The following COL23A1 variants were observed in gnomAD, a reference collection of about 807,000 sequenced individuals.
COL23A1 encodes collagen type XXIII alpha 1 chain, also known as collagen alpha-1(XXIII) chain.
A neutral mutation model predicts 99.3 loss-of-function variants in COL23A1; 97 were observed. The ratio of observed to expected loss-of-function variants is 0.98; its 90% CI spans 0.83 to 1.16. The LOEUF is 1.16. Ranked by LOEUF, COL23A1 falls within the 50% of genes most tolerant of loss-of-function variation. The probability of loss-of-function intolerance (pLI) is 0.00; values close to 1 mark genes in which losing one functional copy is unlikely to be tolerated. For synonymous variants in COL23A1, 320 were observed against 308.2 expected, an observed-to-expected ratio of 1.04 and a Z score of -0.40; for missense variants, 762 against 757.4, an observed-to-expected ratio of 1.01 and a Z score of -0.07.
At chr5:178,272,790 G>A (rs894088142) in intron 5 of COL23A1, among the ~76,000 whole-genome samples, 10 of 151,558 alleles carry the variant, frequency 6.6e-5, no homozygotes, top group African/African-American at 2.4e-4. Context: ...TCAAGGTCGC[G>A]TCCCACTAGG....
At chr5:178,511,127 C>T (rs1396027884) in intron 2 of COL23A1, among the ~76,000 whole-genome samples, 1 of 151,886 alleles carries the variant, frequency 6.6e-6, no homozygotes, top group Non-Finnish European at 1.5e-5. Context: ...TTGTTTTTTT[C>T]CCCCAACTTT....
rs1348933268 is a variant in COL23A1, at chr5:178,307,035, G to T, written c.362-116C>A. ...CGCAACAGCTTTCTGGGAGTGGCCT[G>T]CCCGAGGGGGTCTGCTGGCTGTGGA... On this transcript the variant is annotated intron_variant, in intron 2 of 28. Transcript: ENST00000390654. The surrounding 1 kb of genome is among the most constrained non-coding windows in gnomAD (Gnocchi z 4.2). 1.5e-6 allele frequency: 1 copy of T among 650,836 alleles called. No homozygotes were observed. The highest frequency in any genetic ancestry group is 4.1e-5 in the Admixed American group (1 of 24,244). 40.3% of individuals were successfully genotyped at this position (650,836 alleles called of 1,614,324 possible).
At chr5:178,518,203 G>A (rs112984775) in intron 2 of COL23A1, among the ~76,000 whole-genome samples, 4,416 of 137,230 alleles carry the variant, frequency 0.032, 87 homozygotes, top group Middle Eastern at 0.089. Flanking sequence ...CAGAGAGCAC[G>A]GGGTTGGGGG....
rs147150271 is a variant in COL23A1, at chr5:178,527,518, G to A, written c.361+33164C>T. On this transcript the variant is annotated intron_variant, in intron 2 of 28. Coordinates refer to ENST00000390654, the MANE Select transcript of COL23A1 (RefSeq NM_173465.4). ...TGCTCAGGTTCTATTTCCAGGAAGC[G>A]GCTGGCCCGGGTGGATGGTGTGTCC... 2.3e-3 allele frequency among the ~76,000 whole-genome samples: 348 copies of A among 152,296 alleles called. 2 individuals carry two copies. The East Asian group carries it at 0.029, about 13-fold the overall frequency.
At chr5:178,514,338 C>T (rs377141767) in intron 2 of COL23A1, among the ~76,000 whole-genome samples, 2 of 152,210 alleles carry the variant, frequency 1.3e-5, no homozygotes, top group African/African-American at 4.8e-5. Context: ...GGGCTGCTCC[C>T]ACGTCTTGGC....
chr5:178,426,760 A>G (rs939339489), intron 2 of COL23A1, among the ~76,000 whole-genome samples: 1 of 152,246 alleles, frequency 6.6e-6, no homozygotes, highest in African/African-American at 2.4e-5. Flanking sequence ...AAGAACTCTT[A>G]AAACTCAACA....
intron 2 of COL23A1, among the ~76,000 whole-genome samples, chr5:178,337,339 C>T (rs1011334464): frequency 6.6e-6 from 1 of 152,236 alleles, no homozygotes; most frequent in African/African-American, 2.4e-5. Context: ...GGAGTTGGAG[C>T]GTTTGTAAAC....
At chr5:178,401,949 G>A (rs1315795792) in intron 2 of COL23A1, among the ~76,000 whole-genome samples, 2 of 152,100 alleles carry the variant, frequency 1.3e-5, no homozygotes, top group Admixed American at 6.5e-5. Context: ...CCAAGTAGCT[G>A]GGATTACAGG....
At chr5:178,465,869 G>A (rs10060223) in intron 2 of COL23A1, among the ~76,000 whole-genome samples, 38,565 of 152,070 alleles carry the variant, frequency 0.25, 5,255 homozygotes, top group Non-Finnish European at 0.31. Flanking sequence ...ACCAACCAGC[G>A]GTGGTGTGGA....
intron 2 of COL23A1, among the ~76,000 whole-genome samples, chr5:178,337,171 C>T (rs562097857): frequency 2.6e-5 from 4 of 152,346 alleles, no homozygotes; most frequent in East Asian, 1.9e-4. Flanking sequence ...AGGCCGGCCT[C>T]GCTCATCTGA....
At chr5:178,476,200 A>T (rs952086) in intron 2 of COL23A1, among the ~76,000 whole-genome samples, 33,031 of 152,184 alleles carry the variant, frequency 0.22, 3,991 homozygotes, top group Middle Eastern at 0.28. Context: ...AATAGGCGTC[A>T]TAATAGGAAA....
chr5:178,546,163 C>A (rs1049005568), intron 2 of COL23A1, among the ~76,000 whole-genome samples: 1 of 152,122 alleles, frequency 6.6e-6, no homozygotes, highest in African/African-American at 2.4e-5. Flanking sequence ...TCTATCTCCC[C>A]TCCACCTCAA....
At chr5:178,382,801 G>A (rs1482910647) in intron 2 of COL23A1, among the ~76,000 whole-genome samples, 5 of 152,194 alleles carry the variant, frequency 3.3e-5, no homozygotes, top group Non-Finnish European at 5.9e-5. Flanking sequence ...CTGGCTCTGG[G>A]CCCACACACC....
chr5:178,243,063 G>A (rs1327334027), intron 25 of COL23A1, among the ~76,000 whole-genome samples: 4 of 152,250 alleles, frequency 2.6e-5, no homozygotes, highest in South Asian at 4.1e-4. Flanking sequence ...GGTGATGCGC[G>A]CCTGTAATCC....
intron 2 of COL23A1, among the ~76,000 whole-genome samples, chr5:178,403,126 A>AAAAAAAAG (rs1764553740): frequency 8.5e-6 from 1 of 117,118 alleles, no homozygotes. Flanking sequence ...AAAAAAATAA[A>AAAAAAAAG]TAAATAAAAA....
chr5:178,329,070 T>C (rs558292711), intron 2 of COL23A1, among the ~76,000 whole-genome samples: 2 of 152,170 alleles, frequency 1.3e-5, no homozygotes, highest in Admixed American at 6.5e-5. Flanking sequence ...CAAAGCCCCT[T>C]TGTCAGGCAG....
chr5:178,430,569 C>T (rs1286081136), intron 2 of COL23A1, among the ~76,000 whole-genome samples: 3 of 152,164 alleles, frequency 2.0e-5, no homozygotes, highest in East Asian at 3.8e-4. Context: ...GTGTGACGTG[C>T]GCAGCAGAGT....
intron 2 of COL23A1, among the ~76,000 whole-genome samples, chr5:178,348,516 T>G (rs1193989100): frequency 6.6e-6 from 1 of 152,192 alleles, no homozygotes; most frequent in Non-Finnish European, 1.5e-5. Context: ...GTTGGGTGTG[T>G]GGCCTCAGGG....
chr5:178,550,727 G>C (rs959964428), intron 2 of COL23A1, among the ~76,000 whole-genome samples: 4 of 152,102 alleles, frequency 2.6e-5, no homozygotes, highest in South Asian at 2.1e-4. Flanking sequence ...ACAGCATGTG[G>C]GTGAGCTCCT....
Sources: gnomAD v4.1 joint callset for allele counts (sites outside exome capture counted in the v4.1 genomes callset) on GRCh38, gnomAD v4.1.1 for gene constraint, Gnocchi (gnomAD v3.1) non-coding constraint, MANE v1.5 for transcripts, NCBI Gene and HGNC (gene_info 2026-07-23, HGNC 2026-07-21) for gene names.